CBLB: variants seen among roughly 807,000 people sequenced by gnomAD.
CBLB encodes the protein E3 ubiquitin-protein ligase CBL-B.
Under a neutral mutation model 104.9 loss-of-function variants are expected in CBLB, and 31 were observed. The ratio of observed to expected loss-of-function variants is 0.30; its 90% CI spans 0.22 to 0.40. CBLB has a LOEUF of 0.40. Ranked by LOEUF, CBLB falls within the 10% of genes least tolerant of loss-of-function variation. The pLI, the probability that CBLB is intolerant of heterozygous loss-of-function variation, is 1.00. For synonymous variants in CBLB, 440 were observed against 422.6 expected (o/e 1.04, Z -0.51); for missense variants, 1,062 against 1,214.6 (o/e 0.87, Z 1.87).
intron 3 of CBLB, among the ~76,000 whole-genome samples, chr3:105,788,828 T>C (rs186027013): frequency 2.0e-5 from 3 of 152,282 alleles, no homozygotes; most frequent in Admixed American, 2.0e-4. Flanking sequence ...CTACATAAAT[T>C]TTTGAGGCTA....
chr3:105,742,575 T>C (rs1045258849), intron 6 of CBLB, among the ~76,000 whole-genome samples: 4 of 152,138 alleles, frequency 2.6e-5, no homozygotes, highest in Non-Finnish European at 5.9e-5. Context: ...CACAGAGACC[T>C]ACGGCTATGA....
chr3:105,719,333 TGA>T (rs1232583380), intron 10 of CBLB, among the ~76,000 whole-genome samples: 1 of 152,252 alleles, frequency 6.6e-6, no homozygotes, highest in African/African-American at 2.4e-5. Flanking sequence ...CCTCTCATTA[TGA>T]TGTTTAAAAC....
intron 10 of CBLB, among the ~76,000 whole-genome samples, chr3:105,714,108 T>A (rs376552164): frequency 5.1e-4 from 77 of 152,270 alleles, no homozygotes; most frequent in Middle Eastern, 3.4e-3. Context: ...TCTAATCCTG[T>A]GATTCAGATT....
intron 3 of CBLB, among the ~76,000 whole-genome samples, chr3:105,813,891 A>C (rs1359627053): frequency 1.3e-5 from 2 of 152,158 alleles, no homozygotes; most frequent in Non-Finnish European, 2.9e-5. Flanking sequence ...TCTCCTCTTC[A>C]ACACTGGCAG....
intron 1 of CBLB, chr3:105,868,456 T>C (rs1706509610): frequency 2.7e-6 from 1 of 368,770 alleles, no homozygotes; most frequent in East Asian, 3.9e-5. Context: ...GCACCGTCCG[T>C]CTAGGGCGCG....
Position 105,704,114 on chromosome 3 carries a change from T to C in CBLB, c.1467A>G (p.Arg489=), listed in dbSNP as rs776111255. The change falls in exon 11 of 19, where the codon AGA becomes AGG. Residue 489 remains arginine, a synonymous_variant. Coordinates refer to ENST00000394030, the MANE Select transcript of CBLB (RefSeq NM_170662.5). ...TSPGSSPLAQ[R]RKPQPDPLQI... is the part of the protein sequence containing the mutation. ...GGAGTGGGTCAGGCTGTGGCTTTCT[T>C]CTCTGGGCAAGGGGAGAGGATCCTG... 4 of 1,614,110 alleles carry C rather than the reference T, an allele frequency of 2.5e-6. No individual in the cohort carries two copies. Among genetic ancestry groups the C allele is most frequent in the Non-Finnish European group, 3.4e-6 (4 of 1,179,990 alleles).
At chr3:105,839,703 G>A (rs1057354811) in intron 3 of CBLB, among the ~76,000 whole-genome samples, 1 of 152,218 alleles carries the variant, frequency 6.6e-6, no homozygotes, top group Non-Finnish European at 1.5e-5. Context: ...AAATGAGCAT[G>A]GCTCCGCCAT....
chr3:105,722,715 A>C (rs1259834287), intron 9 of CBLB, among the ~76,000 whole-genome samples: 2 of 152,196 alleles, frequency 1.3e-5, no homozygotes, highest in African/African-American at 4.8e-5. Context: ...TGCTCTGGTT[A>C]AGGATGACTT....
chr3:105,776,954 C>G (rs1196996118), intron 3 of CBLB, among the ~76,000 whole-genome samples: 1 of 151,920 alleles, frequency 6.6e-6, no homozygotes, highest in African/African-American at 2.4e-5. Flanking sequence ...AGGAAGAAAA[C>G]TCATTGTTTG....
At chr3:105,840,379 C>A (rs1367670358) in intron 3 of CBLB, among the ~76,000 whole-genome samples, 1 of 149,418 alleles carries the variant, frequency 6.7e-6, no homozygotes, top group Non-Finnish European at 1.5e-5. Flanking sequence ...ATACAAGCAT[C>A]GTGTTAGAAA....
At chr3:105,765,300 A>C (rs1329156866) in intron 4 of CBLB, among the ~76,000 whole-genome samples, 1 of 152,202 alleles carries the variant, frequency 6.6e-6, no homozygotes, top group Admixed American at 6.5e-5. Flanking sequence ...AATTACTTGC[A>C]TATGTACCCC....
At chr3:105,731,359 T>C (rs2074291900) in intron 9 of CBLB, among the ~76,000 whole-genome samples, 1 of 152,238 alleles carries the variant, frequency 6.6e-6, no homozygotes, top group African/African-American at 2.4e-5. Flanking sequence ...TATAATGAAA[T>C]CCATTTTACC....
Position 105,702,476 on chromosome 3 carries a change from G to GAAAAAAAAAAAAAAAGAAAAAAAAAAAA in CBLB, c.1594-18_1594-17insTTTTTTTTTTTTCTTTTTTTTTTTTTTT. 3.6e-6 allele frequency: 1 copy of GAAAAAAAAAAAAAAAGAAAAAAAAAAAA among 277,060 alleles called. No individual in the cohort carries two copies. The highest frequency in any genetic ancestry group is 5.2e-6 in the Non-Finnish European group (1 of 190,574). The allele number at this position is 277,060 out of a possible 1,614,324, so 17.2% of individuals were successfully genotyped here. On this transcript the variant is annotated splice_polypyrimidine_tract_variant and intron_variant, in intron 11 of 18. Transcript: ENST00000394030. Reference sequence around the variant, plus strand: ...AGGAGAAGACTAAAGAAACAGAAGAGAAAAAAAAAAAAAAAAAAAAAAACT... The same window carrying GAAAAAAAAAAAAAAAGAAAAAAAAAAAA: ...AGGAGAAGACTAAAGAAACAGAAGAGAAAAAAAAAAAAAAAGAAAAAAAAAAAAAAAAAAAAAAAAAAAAAAAAAAACT...
At chr3:105,739,146 G>C (rs2075273238) in intron 7 of CBLB, among the ~76,000 whole-genome samples, 1 of 152,190 alleles carries the variant, frequency 6.6e-6, no homozygotes, top group Non-Finnish European at 1.5e-5. Context: ...CTGGGCTCAA[G>C]TGATCCTCCT....
intron 3 of CBLB, among the ~76,000 whole-genome samples, chr3:105,814,546 G>T (rs2084751379): frequency 1.3e-5 from 2 of 152,046 alleles, no homozygotes; most frequent in Non-Finnish European, 2.9e-5. Flanking sequence ...TGACAAAAAG[G>T]ATTCATGGAA....
At chr3:105,786,217 C>T (rs2081005159) in intron 3 of CBLB, among the ~76,000 whole-genome samples, 1 of 151,962 alleles carries the variant, frequency 6.6e-6, no homozygotes, top group Non-Finnish European at 1.5e-5. Context: ...ACAGGATATA[C>T]ACAAAAAGGC....
intron 4 of CBLB, among the ~76,000 whole-genome samples, chr3:105,753,317 A>G (rs2076753387): frequency 6.6e-6 from 1 of 152,104 alleles, no homozygotes; most frequent in Admixed American, 6.5e-5. Context: ...ATCAGATGCC[A>G]TTTAGAAGAA....
At position 105,770,200 on chromosome 3, in the gene CBLB, AG is replaced by A. The variant is rs2078698664; in HGVS notation, c.566+6195del. 4.6e-5 allele frequency among the ~76,000 whole-genome samples: 7 copies of A among 152,234 alleles called. No individual in the cohort carries two copies. The South Asian group carries it at 1.5e-3, about 32-fold the overall frequency. ...GAATTTTTTCCCAAAGAACCAACAC[AG>A]GAACTTAGGAAAACAGAATCCACAG... On this transcript the variant is annotated intron_variant, in intron 4 of 18. Transcript: ENST00000394030.
chr3:105,857,208 T>G (rs758726487), intron 2 of CBLB, among the ~76,000 whole-genome samples: 1 of 152,246 alleles, frequency 6.6e-6, no homozygotes, highest in Non-Finnish European at 1.5e-5. Context: ...GAAACGTTTA[T>G]GTTTTACAAA....
Sources: allele counts gnomAD v4.1 joint callset (sites outside exome capture counted in the v4.1 genomes callset), GRCh38; gene constraint gnomAD v4.1.1; transcripts MANE v1.5; gene names NCBI Gene and HGNC (gene_info 2026-07-23, HGNC 2026-07-21).